The following ZNF695 variants were observed in gnomAD, a reference collection of about 807,000 sequenced individuals.
ZNF695 encodes the protein zinc finger protein 695, also known as zinc finger protein SBZF3.
In ZNF695, 11 loss-of-function variants were observed where a neutral mutation model predicts 11.2. The ratio of observed to expected loss-of-function variants is 0.98; its 90% CI spans 0.62 to 1.62. ZNF695 has a LOEUF of 1.62. Among genes scored for constraint, ZNF695 ranks in the 40% most tolerant of loss-of-function variants. The probability of loss-of-function intolerance (pLI) is 0.00; values close to 1 mark genes in which losing one functional copy is unlikely to be tolerated. For synonymous variants in ZNF695, 190 were observed against 201.4 expected (o/e 0.94, Z 0.48); for missense variants, 559 against 590.5 (o/e 0.95, Z 0.55).
At chr1:247,000,238 G>A (rs1669324854) in intron 1 of ZNF695, among the ~76,000 whole-genome samples, 164 bp from the exon 2 acceptor site, 4 of 152,204 alleles carry the variant, frequency 2.6e-5, no homozygotes, top group Non-Finnish European at 2.9e-5. Flanking sequence ...CGGGCGCGGC[G>A]GCTCACACCT....
intron 4 of ZNF695, chr1:246,967,990 T>C (rs1390190084): frequency 6.2e-6 from 1 of 161,980 alleles, no homozygotes; most frequent in Non-Finnish European, 1.4e-5. Context: ...AGCCAAACCA[T>C]ATCATTCCAC....
intron 4 of ZNF695, among the ~76,000 whole-genome samples, chr1:246,970,048 T>C (rs1034954530): frequency 3.9e-5 from 6 of 152,204 alleles, no homozygotes; most frequent in Non-Finnish European, 8.8e-5. Context: ...CTTGAGTATC[T>C]TCTCCTAAAA....
At chr1:246,999,858 C>G (rs1669311837) in intron 2 of ZNF695, 54 bp downstream of exon 2, 2 of 1,566,784 alleles carry the variant, frequency 1.3e-6, no homozygotes, top group South Asian at 1.1e-5. Flanking sequence ...CTCATTCATG[C>G]AAATCAGAAA....
At chr1:246,997,128 C>T (rs1669235469) in intron 3 of ZNF695, among the ~76,000 whole-genome samples, 2 of 26,974 alleles carry the variant, frequency 7.4e-5, no homozygotes, top group East Asian at 0.017. Flanking sequence ...TTTGAGAGGC[C>T]GAGGGGAAGG....
At chr1:247,003,558 A>G (rs934779867) in intron 1 of ZNF695, among the ~76,000 whole-genome samples, 10 of 152,224 alleles carry the variant, frequency 6.6e-5, no homozygotes, top group Non-Finnish European at 1.3e-4. Flanking sequence ...AAATTTGCCA[A>G]TATAACAAAC....
In ZNF695 at chr1:246,988,237, G is replaced by A; in HGVS notation, c.278C>T (p.Thr93Ile). Residue 93 changes from threonine to isoleucine, a missense_variant, in exon 4 of 4, where the codon ACT (threonine) becomes ATT (isoleucine). Physicochemically the swap from Thr to Ile is moderately conservative, Grantham distance 89. Transcript: ENST00000339986. ...GCCCTGCTCTGGCAAAATGTCTTCA[G>A]TAAGATAAGAAGACAAAACTGGAAA... ...ARHSVLSSYL[T>I]EDILPEQGLQ... 1 of 1,565,716 alleles carries A rather than the reference G, an allele frequency of 6.4e-7. No homozygotes were observed. The highest frequency in any genetic ancestry group is 2.3e-5 in the East Asian group (1 of 44,392).
chr1:246,967,795 G>C (rs879936571), intron 4 of ZNF695: 1 of 346,234 alleles, frequency 2.9e-6, no homozygotes, highest in Non-Finnish European at 5.7e-6. Context: ...TCACATGGCT[G>C]GCAGGAGAGA....
intron 4 of ZNF695, among the ~76,000 whole-genome samples, chr1:246,972,849 A>G (rs1471884044): frequency 6.6e-6 from 1 of 151,534 alleles, no homozygotes; most frequent in African/African-American, 2.4e-5. Context: ...GCAAAAGAAC[A>G]CCGATTTCTG....
intron 5 of ZNF695, chr1:246,945,928 T>G: frequency 7.0e-7 from 1 of 1,423,050 alleles, no homozygotes; most frequent in South Asian, 1.2e-5. Flanking sequence ...GAAGACTTGG[T>G]TCCATTGGAG....
rs372225038 is a variant in ZNF695 at position 246,987,291 on chromosome 1, G to C, written c.1224C>G (p.Tyr408Ter). Residue 408 changes from tyrosine to a stop codon, truncating the protein, a stop_gained, in exon 4 of 4, where the codon TAC becomes TAG. Transcript: ENST00000339986. LOFTEE classifies it low-confidence loss of function (END_TRUNC). Reference sequence around the variant, plus strand: ...AAGCTTTGCCACATTCCTCACATTTGTAGGGTTTCTGCCCAGTATGAATTC... The same window carrying C: ...AAGCTTTGCCACATTCCTCACATTTCTAGGGTTTCTGCCCAGTATGAATTC... ...HKRIHTGQKP[Y>*]KCEECGKAFT... 1.9e-5 allele frequency: 31 copies of C among 1,613,886 alleles called. No homozygotes were observed. The highest frequency in any genetic ancestry group is 2.7e-5 in the African/African-American group (2 of 74,898).
Position 246,987,745 on chromosome 1 carries a change from AC to A in ZNF695, c.769del (p.Val257LeufsTer111). 6.3e-7 allele frequency: 1 copy of A among 1,589,330 alleles called. No individual in the cohort carries two copies. Among genetic ancestry groups the A allele is most frequent in the Non-Finnish European group, 8.5e-7 (1 of 1,171,564 alleles). The stretch of plus-strand genomic sequence containing the variant: ...CTTTTCAGTATGATTTTTCTCAACA[AC>A]AGCAAGACTTGAGCAAGACTTAAAA... ...NIFKSCSSLA[V>X]VEKNHTEKKT... On this transcript the variant is annotated frameshift_variant, in exon 4 of 4. Coordinates refer to ENST00000339986, the MANE Select transcript of ZNF695 (RefSeq NM_020394.5). LOFTEE classifies it low-confidence loss of function (END_TRUNC).
At chr1:246,970,970 C>T (rs1007242891) in intron 4 of ZNF695, among the ~76,000 whole-genome samples, 6 of 151,946 alleles carry the variant, frequency 3.9e-5, no homozygotes, top group African/African-American at 9.7e-5. Flanking sequence ...TGTGCAGAGA[C>T]GAGAGATCGT....
chr1:246,986,047 C>T lies in ZNF695; in HGVS notation c.*920G>A, dbSNP rs750976512. 1.0e-4 allele frequency: 101 copies of T among 981,374 alleles called. No individual in the cohort carries two copies. The highest frequency in any genetic ancestry group is 1.2e-4 in the Non-Finnish European group (97 of 826,452). The allele number at this position is 981,374 out of a possible 1,614,324, so 60.8% of individuals were successfully genotyped here. A position where few individuals can be genotyped will look rare whatever the true frequency, so the allele number is the denominator to read the frequency against. Reference sequence around the variant, plus strand: ...CAAAAAAGCTAAAACTCTTTCAGTGCACCGAGTATACTTTATTATTATGTT... The same window carrying T: ...CAAAAAAGCTAAAACTCTTTCAGTGTACCGAGTATACTTTATTATTATGTT... On this transcript the variant is annotated 3_prime_UTR_variant, in exon 4 of 4. Coordinates refer to ENST00000339986, the MANE Select transcript of ZNF695 (RefSeq NM_020394.5).
intron 4 of ZNF695, among the ~76,000 whole-genome samples, chr1:246,974,222 G>A (rs1668503396): frequency 6.6e-6 from 1 of 151,674 alleles, no homozygotes; most frequent in Admixed American, 6.6e-5. Flanking sequence ...AGAACCCACA[G>A]AGCTTGTGAG....
chr1:246,988,436 T>TA (rs905170097), intron 3 of ZNF695, among the ~76,000 whole-genome samples, 181 bp from the exon 4 acceptor site: 1 of 151,966 alleles, frequency 6.6e-6, no homozygotes, highest in African/African-American at 2.4e-5. Context: ...ATGAGAATCC[T>TA]AAAAGCAGCC....
intron 3 of ZNF695, among the ~76,000 whole-genome samples, chr1:246,994,594 T>C (rs937721787): frequency 3.3e-5 from 5 of 151,730 alleles, no homozygotes; most frequent in African/African-American, 9.7e-5. Context: ...TCCCAGCACT[T>C]TGTGAGGCTG....
intron 4 of ZNF695, among the ~76,000 whole-genome samples, chr1:246,973,348 C>T (rs1041420508): frequency 2.6e-5 from 4 of 152,162 alleles, no homozygotes; most frequent in Non-Finnish European, 4.4e-5. Flanking sequence ...CGTGCCCGGC[C>T]GAACGTCACA....
Position 246,987,713 on chromosome 1 carries a change from A to T in ZNF695, c.802T>A (p.Tyr268Asn). 1 of 1,593,008 alleles carries T rather than the reference A, an allele frequency of 6.3e-7. No homozygotes were observed. Among genetic ancestry groups the T allele is most frequent in the Non-Finnish European group, 8.5e-7 (1 of 1,172,184 alleles). Reference sequence around the variant, plus strand: ...GCTTTGCCACATTCTTCACATCTGTAGGTTTTCTTTTCAGTATGATTTTTC... The same window carrying T: ...GCTTTGCCACATTCTTCACATCTGTTGGTTTTCTTTTCAGTATGATTTTTC... ...VEKNHTEKKTYRCEECGKAFN... is the reference protein window; with the variant it reads ...VEKNHTEKKTNRCEECGKAFN... The change falls in exon 4 of 4, where the codon TAC becomes AAC. Residue 268 changes from tyrosine (Y) to asparagine (N), a missense_variant. Tyr to Asn is a moderately radical substitution (Grantham distance 143, BLOSUM62 -2). Coordinates refer to ENST00000339986, the MANE Select transcript of ZNF695 (RefSeq NM_020394.5).
intron 5 of ZNF695, among the ~76,000 whole-genome samples, chr1:246,951,359 C>T (rs1402167423): frequency 6.6e-6 from 1 of 152,112 alleles, no homozygotes; most frequent in Non-Finnish European, 1.5e-5. Flanking sequence ...GGAAAACAGA[C>T]ACGGAGGGGA....
Sources: gnomAD v4.1 joint callset for allele counts (sites outside exome capture counted in the v4.1 genomes callset) on GRCh38, gnomAD v4.1.1 for gene constraint, MANE v1.5 for transcripts, NCBI Gene and HGNC (gene_info 2026-07-23, HGNC 2026-07-21) for gene names.